SASH1: variants seen among roughly 807,000 people sequenced by gnomAD.
SASH1 encodes the protein SAM and SH3 domain containing 1, also known as SAM and SH3 domain-containing protein 1.
Under a neutral mutation model 125.2 loss-of-function variants are expected in SASH1, and 44 were observed. The observed-to-expected ratio is 0.35, with a 90% CI of 0.28 to 0.45. The LOEUF is 0.45. SASH1 is among the 20% of genes least tolerant of loss of function. SASH1 has a pLI of 1.00. For missense variants in SASH1, 1,426 were observed against 1,614.5 expected, an observed-to-expected ratio of 0.88 and a Z score of 2.00; for synonymous variants, 639 against 649.1, an observed-to-expected ratio of 0.98 and a Z score of 0.24.
the SASH1 span, among the ~76,000 whole-genome samples, chr6:148,242,824 C>T: frequency 6.6e-6 from 1 of 152,138 alleles, no homozygotes; most frequent in East Asian, 1.9e-4. Flanking sequence ...TATGAACTAG[C>T]CCAAGCCAAA....
At chr6:148,323,879 C>T (rs760026759) in intron 1 of SASH1, among the ~76,000 whole-genome samples, 1 of 152,004 alleles carries the variant, frequency 6.6e-6, no homozygotes, top group African/African-American at 2.4e-5. Context: ...GTAATCCCAG[C>T]ACTTTGGGAG....
At chr6:148,272,476 A>G in intron 1 of SASH1, 1 of 420,474 alleles carries the variant, frequency 2.4e-6, no homozygotes, top group Admixed American at 2.4e-5. Context: ...GGAAACAGGT[A>G]TAAAGTAACT....
At chr6:148,428,163 G>T (rs955362014) in intron 2 of SASH1, among the ~76,000 whole-genome samples, 1 of 152,100 alleles carries the variant, frequency 6.6e-6, no homozygotes, top group African/African-American at 2.4e-5. Flanking sequence ...GAATCCCTGG[G>T]CCTACTCTAC....
intron 8 of SASH1, among the ~76,000 whole-genome samples, chr6:148,505,402 C>T (rs1266927117): frequency 6.6e-6 from 1 of 152,206 alleles, no homozygotes; most frequent in Non-Finnish European, 1.5e-5. Context: ...CAGCCACTGC[C>T]TCCCAGGTTC....
chr6:148,362,030 C>G (rs577828689), intron 1 of SASH1, among the ~76,000 whole-genome samples: 1 of 150,026 alleles, frequency 6.7e-6, no homozygotes, highest in Non-Finnish European at 1.5e-5. Flanking sequence ...TCTCCTGCCT[C>G]AGCCTCCCGA....
intron 7 of SASH1, among the ~76,000 whole-genome samples, chr6:148,477,042 C>T (rs147007955): frequency 6.6e-6 from 1 of 152,304 alleles, no homozygotes; most frequent in Non-Finnish European, 1.5e-5. Flanking sequence ...ACCCCTCTCT[C>T]TTGCCATATA....
intron 17 of SASH1, among the ~76,000 whole-genome samples, chr6:148,541,940 A>G (rs1182101113): frequency 6.6e-6 from 1 of 152,242 alleles, no homozygotes; most frequent in Non-Finnish European, 1.5e-5. Flanking sequence ...CTAGTATCCC[A>G]GTACATCCTC....
At chr6:148,410,115 T>TC (rs1258465111) in intron 2 of SASH1, among the ~76,000 whole-genome samples, 26 of 120,344 alleles carry the variant, frequency 2.2e-4, no homozygotes, top group Admixed American at 2.0e-3. Flanking sequence ...TTTTTTTTTT[T>TC]TTTTTTTTTT....
chr6:148,279,078 G>C (rs183840762), intron 1 of SASH1, among the ~76,000 whole-genome samples: 4 of 151,332 alleles, frequency 2.6e-5, no homozygotes, highest in East Asian at 3.9e-4. Flanking sequence ...TGCCACCCCC[G>C]CCTCCTGAGT....
At chr6:148,350,294 T>C (rs1781683778) in intron 1 of SASH1, among the ~76,000 whole-genome samples, 1 of 152,150 alleles carries the variant, frequency 6.6e-6, no homozygotes, top group Non-Finnish European at 1.5e-5. Context: ...CTGTAATTCT[T>C]ATTAAAGAAA....
At chr6:148,478,757 G>A (rs1464926305) in intron 7 of SASH1, 2 of 153,442 alleles carry the variant, frequency 1.3e-5, no homozygotes, top group Non-Finnish European at 2.9e-5. Context: ...GCAGGTGAAA[G>A]TGACAGCCTC....
intron 1 of SASH1, among the ~76,000 whole-genome samples, chr6:148,320,747 G>A (rs757858674): frequency 1.3e-5 from 2 of 152,160 alleles, no homozygotes; most frequent in Middle Eastern, 3.2e-3. Flanking sequence ...GCCTCCCAAA[G>A]TGTTGGTATT....
At chr6:148,194,534 C>T in the SASH1 span, among the ~76,000 whole-genome samples, 3 of 152,208 alleles carry the variant, frequency 2.0e-5, no homozygotes, top group African/African-American at 7.2e-5. Flanking sequence ...ATGACCTATA[C>T]TACCATCTTT....
the SASH1 span, among the ~76,000 whole-genome samples, chr6:148,198,498 G>A: frequency 1.3e-5 from 2 of 152,276 alleles, no homozygotes; most frequent in South Asian, 4.1e-4. Flanking sequence ...ACTTTTCTAG[G>A]CATGTACATA....
intron 8 of SASH1, among the ~76,000 whole-genome samples, chr6:148,494,042 T>C (rs761243705): frequency 6.6e-6 from 1 of 152,188 alleles, no homozygotes; most frequent in Non-Finnish European, 1.5e-5. Context: ...GAAATTATGA[T>C]CTCTGTTTTA....
intron 2 of SASH1, among the ~76,000 whole-genome samples, chr6:148,428,561 G>A (rs997595580): frequency 2.8e-5 from 4 of 141,004 alleles, no homozygotes; most frequent in Admixed American, 7.5e-5. Context: ...CCTGAGAGGC[G>A]GAGGTTGCAG....
the SASH1 span, among the ~76,000 whole-genome samples, chr6:148,259,124 C>A: frequency 2.0e-5 from 3 of 152,094 alleles, no homozygotes; most frequent in Admixed American, 1.3e-4. Context: ...TCGTTGTCTG[C>A]GAGGGATGAG....
At chr6:148,527,941 G>A (rs141904857) in intron 12 of SASH1, among the ~76,000 whole-genome samples, 36 of 143,896 alleles carry the variant, frequency 2.5e-4, no homozygotes, top group African/African-American at 8.6e-4. Context: ...ACTATGCCTT[G>A]CTACAAAATG....
intron 1 of SASH1, among the ~76,000 whole-genome samples, chr6:148,356,180 G>C (rs976712266): frequency 6.6e-6 from 1 of 151,714 alleles, no homozygotes; most frequent in African/African-American, 2.4e-5. Context: ...TGCCTCCCAG[G>C]TTCCAGTGAT....
Sources: gnomAD v4.1 joint callset for allele counts (sites outside exome capture counted in the v4.1 genomes callset) on GRCh38, gnomAD v4.1.1 for gene constraint, MANE v1.5 for transcripts, NCBI Gene and HGNC (gene_info 2026-07-23, HGNC 2026-07-21) for gene names.